Variants in DUSP4 observed in about 807,000 individuals in gnomAD.
The protein encoded by DUSP4 is dual specificity phosphatase 4.
A neutral mutation model predicts 27.2 loss-of-function variants in DUSP4; 12 were observed. The ratio of observed to expected loss-of-function variants is 0.44; its 90% CI spans 0.28 to 0.71. The LOEUF (loss-of-function observed/expected upper bound fraction) is 0.71, where lower values mean the gene tolerates loss of function less well. Among genes scored for constraint, DUSP4 ranks in the 30% least tolerant of loss-of-function variants. The pLI is 0.14. For missense variants in DUSP4, 448 were observed against 551.3 expected (o/e 0.81, Z 1.88); for synonymous variants, 257 against 245.2 (o/e 1.05, Z -0.45).
rs1817638533 is a variant in DUSP4, at chr8:29,340,254, G to A, written c.434-11C>T. 1.9e-6 allele frequency: 3 copies of A among 1,603,312 alleles called. No individual in the cohort carries two copies. Among genetic ancestry groups the A allele is most frequent in the Non-Finnish European group, 2.6e-6 (3 of 1,174,818 alleles). ...ACCTCTCATAGCCGCCTGTAAAGGA[G>A]AAAGAAGCTCAGGTTAATGGGGTCA... On this transcript the variant is annotated splice_polypyrimidine_tract_variant and intron_variant, in intron 1 of 3. Transcript: ENST00000240100.
In DUSP4 at chr8:29,350,292, C is replaced by G. The variant is rs942355162; in HGVS notation, c.-14G>C. The G allele has an allele frequency of 6.4e-7, 1 of 1,558,602 alleles. No individual in the cohort carries two copies. The highest frequency in any genetic ancestry group is 8.7e-7 in the Non-Finnish European group (1 of 1,152,968). ...CATCGTCACCATGGTCGCCGGGAAC[C>G]GAGGCGGCTGGGCGCGCGAGGAAGA... On this transcript the variant is annotated 5_prime_UTR_variant, in exon 1 of 4. Transcript: ENST00000240100.
At position 29,335,207 on chromosome 8, in the gene DUSP4, C is replaced by CT. The variant is rs1817552868; in HGVS notation, c.*1818dup. ...TAGCATGTAGCTTGTTCCCTCCTCC[C>CT]TCCCCCCCAAACCCTCCCCACAGAA... On this transcript the variant is annotated 3_prime_UTR_variant, in exon 4 of 4. Transcript: ENST00000240100. 1 of 150,600 alleles carries CT rather than the reference C, an allele frequency of 6.6e-6. No individual in the cohort carries two copies. Among genetic ancestry groups the CT allele is most frequent in the African/African-American group, 2.4e-5 (1 of 41,124 alleles). 9.3% of individuals were successfully genotyped at this position (150,600 alleles called of 1,614,324 possible).
At chr8:29,343,282 G>T (rs560569504) in intron 1 of DUSP4, among the ~76,000 whole-genome samples, 1 of 152,278 alleles carries the variant, frequency 6.6e-6, no homozygotes, top group African/African-American at 2.4e-5. Context: ...GTCTGTGGCT[G>T]GTTTCACAAG....
chr8:29,344,257 C>T (rs1817696236), intron 1 of DUSP4, among the ~76,000 whole-genome samples: 1 of 152,242 alleles, frequency 6.6e-6, no homozygotes, highest in South Asian at 2.1e-4. Context: ...TTTGCCAGCT[C>T]TGAAGCAGCA....
chr8:29,346,434 A>G (rs1817735555), intron 1 of DUSP4, among the ~76,000 whole-genome samples: 1 of 152,224 alleles, frequency 6.6e-6, no homozygotes, highest in Non-Finnish European at 1.5e-5. Flanking sequence ...TAATAAAGGC[A>G]AAGAATAGGG....
intron 1 of DUSP4, chr8:29,348,882 C>T: frequency 1.3e-6 from 1 of 768,182 alleles, no homozygotes; most frequent in Non-Finnish European, 1.6e-6. Flanking sequence ...GGAGGCGCAG[C>T]GCGGCGGGGG....
At chr8:29,342,939 G>C (rs528583886) in intron 1 of DUSP4, among the ~76,000 whole-genome samples, 1 of 152,122 alleles carries the variant, frequency 6.6e-6, no homozygotes, top group East Asian at 1.9e-4. Context: ...AGGCCGAGGC[G>C]GGTGGATCAC....
intron 2 of DUSP4, among the ~76,000 whole-genome samples, 165 bp downstream of exon 2, chr8:29,339,933 G>C (rs548368769): frequency 5.5e-4 from 84 of 151,842 alleles, no homozygotes; most frequent in African/African-American, 2.0e-3. Flanking sequence ...CCAGGAGTTC[G>C]AGGCTGCAGT....
chr8:29,350,365 TAAG>T lies in DUSP4; in HGVS notation c.-90_-88del. 1 of 1,446,852 alleles carries T rather than the reference TAAG, an allele frequency of 6.9e-7. No individual in the cohort carries two copies. The highest frequency in any genetic ancestry group is 9.1e-7 in the Non-Finnish European group (1 of 1,098,462). The allele number at this position is 1,446,852 out of a possible 1,614,324, so 89.6% of individuals were successfully genotyped here. On this transcript the variant is annotated 5_prime_UTR_variant, in exon 1 of 4. Coordinates refer to ENST00000240100, the MANE Select transcript of DUSP4 (RefSeq NM_001394.7). ...GCTGCAGAAAGGGGCGGGCGAGAGC[TAAG>T]AAGGGACGCCTGCAGAAGTGGCCGC...
rs2117265983 is a variant in DUSP4 at position 29,337,825 on chromosome 8, C to T, written c.800-414G>A. ...AAAATTAGCTGGGCGTGGTGGTGCACTTGTAGTCCCAGCTACTCCAGAGGC... is the reference window on the plus strand; with the variant it reads ...AAAATTAGCTGGGCGTGGTGGTGCATTTGTAGTCCCAGCTACTCCAGAGGC... On this transcript the variant is annotated intron_variant, in intron 3 of 3. Transcript: ENST00000240100. This position sits in a 1 kb window ranked among gnomAD's most constrained non-coding sequence, Gnocchi z 6.4. Among the ~76,000 whole-genome samples, 1 of 152,172 alleles carries T rather than the reference C, an allele frequency of 6.6e-6. No individual in the cohort carries two copies. The highest frequency in any genetic ancestry group is 2.1e-4 in the South Asian group (1 of 4,824).
chr8:29,345,832 C>T, intron 1 of DUSP4: 1 of 1,110,560 alleles, frequency 9.0e-7, no homozygotes, highest in Non-Finnish European at 1.1e-6. Flanking sequence ...TGGTGTCTAA[C>T]ATAGTGAGTT....
At chr8:29,347,799 C>T (rs1022180544) in intron 1 of DUSP4, 1 of 985,548 alleles carries the variant, frequency 1.0e-6, no homozygotes, top group African/African-American at 1.7e-5. Context: ...ACCTAGAGGC[C>T]TGTACTACCC....
At chr8:29,341,781 A>G (rs1314608109) in intron 1 of DUSP4, among the ~76,000 whole-genome samples, 1 of 152,188 alleles carries the variant, frequency 6.6e-6, no homozygotes, top group African/African-American at 2.4e-5. Context: ...GAGGAAGGAA[A>G]TATCTGTCTG....
intron 1 of DUSP4, chr8:29,347,962 C>T (rs1050073531): frequency 8.1e-5 from 80 of 985,392 alleles, no homozygotes; most frequent in Non-Finnish European, 9.2e-5. Flanking sequence ...TAATCCCTCT[C>T]TCCCCGGGAG....
intron 1 of DUSP4, among the ~76,000 whole-genome samples, chr8:29,349,590 T>C (rs540886595): frequency 4.7e-4 from 72 of 152,138 alleles, no homozygotes; most frequent in Admixed American, 7.9e-4. Context: ...TTAATGTCAA[T>C]AAACGGGGCC....
chr8:29,338,597 A>G, intron 2 of DUSP4, 96 bp from the exon 3 acceptor site: 3 of 1,377,864 alleles, frequency 2.2e-6, no homozygotes, highest in Non-Finnish European at 3.0e-6. Context: ...TTTCCTTTCC[A>G]AACCCAGGGA....
chr8:29,336,844 T>G lies in DUSP4; in HGVS notation c.*182A>C. ...TCTAAGTTGGAGTGTTCTGTTTGCT[T>G]TTATTATGTATTCGGAGTCCTTATT... is the stretch of plus-strand genomic sequence containing the variant. On this transcript the variant is annotated 3_prime_UTR_variant, in exon 4 of 4. Coordinates refer to ENST00000240100, the MANE Select transcript of DUSP4 (RefSeq NM_001394.7). The G allele has an allele frequency of 6.0e-6, 5 of 828,326 alleles. No individual in the cohort carries two copies. The highest frequency in any genetic ancestry group is 8.9e-6 in the Non-Finnish European group (5 of 563,280). The allele number at this position is 828,326 out of a possible 1,614,324, so 51.3% of individuals were successfully genotyped here.
intron 1 of DUSP4, chr8:29,345,638 C>A (rs1402564255): frequency 2.7e-6 from 4 of 1,486,558 alleles, no homozygotes; most frequent in Non-Finnish European, 3.6e-6. Context: ...GGGAAAGTGG[C>A]CACCCTTTCT....
rs1817779411 is a variant in DUSP4 at position 29,348,873 on chromosome 8, G to GAGGCGC, written c.433+967_433+972dup. The GAGGCGC allele has an allele frequency of 1.7e-5, 15 of 859,066 alleles. No individual in the cohort carries two copies. In the South Asian group the frequency reaches 7.4e-4, roughly 42 times the overall value. The allele number at this position is 859,066 out of a possible 1,614,324, so 53.2% of individuals were successfully genotyped here. A position where few individuals can be genotyped will look rare whatever the true frequency, so the allele number is the denominator to read the frequency against. ...GCGCGGAATGCGGCGGCGGGAGGCG[G>GAGGCGC]AGGCGCAGCGCGGCGGGGGGCGCCC... On this transcript the variant is annotated intron_variant, in intron 1 of 3. Coordinates refer to ENST00000240100, the MANE Select transcript of DUSP4 (RefSeq NM_001394.7).
Sources: gnomAD v4.1 joint callset for allele counts (sites outside exome capture counted in the v4.1 genomes callset) on GRCh38, gnomAD v4.1.1 for gene constraint, Gnocchi (gnomAD v3.1) non-coding constraint, MANE v1.5 for transcripts, NCBI Gene and HGNC (gene_info 2026-07-23, HGNC 2026-07-21) for gene names.